Variants in GRID1 observed in about 807,000 individuals in gnomAD.
GRID1 encodes the protein glutamate ionotropic receptor delta type subunit 1.
Under a neutral mutation model 98.0 loss-of-function variants are expected in GRID1, and 28 were observed. The observed-to-expected ratio is 0.29, with a 90% CI of 0.21 to 0.39. The LOEUF (loss-of-function observed/expected upper bound fraction) is 0.39, where lower values mean the gene tolerates loss of function less well. Ranked by LOEUF, GRID1 falls within the 10% of genes least tolerant of loss-of-function variation. The pLI is 1.00. For missense variants in GRID1, 1,111 were observed against 1,340.5 expected (o/e 0.83, Z 2.67); for synonymous variants, 553 against 538.5 (o/e 1.03, Z -0.37).
chr10:85,992,619 G>GGC (rs1038262699), intron 4 of GRID1, among the ~76,000 whole-genome samples: 2 of 151,732 alleles, frequency 1.3e-5, no homozygotes, highest in African/African-American at 4.8e-5. Flanking sequence ...GAGAGGTGGG[G>GGC]GGGGAACAAA....
chr10:85,655,042 T>C (rs1840880179), intron 12 of GRID1, among the ~76,000 whole-genome samples: 1 of 152,206 alleles, frequency 6.6e-6, no homozygotes. Flanking sequence ...AGGTTAGTTC[T>C]GGGGCTTCTA....
intron 5 of GRID1, among the ~76,000 whole-genome samples, chr10:85,873,493 C>G (rs1252059854): frequency 5.9e-5 from 9 of 152,142 alleles, no homozygotes. Context: ...ATCTTATGTA[C>G]AAACATTACA....
chr10:86,193,921 A>G (rs1311700019), intron 3 of GRID1, among the ~76,000 whole-genome samples: 1 of 151,906 alleles, frequency 6.6e-6, no homozygotes, highest in African/African-American at 2.4e-5. Context: ...ATCGCTTCTC[A>G]CAAGAGCTGC....
rs753834053 is a variant in GRID1 at position 85,869,001 on chromosome 10, A to T, written c.951+9T>A. ...GGAGGGGACTGGAGAGAAGAGGCTGAGCACTGACCTGCAGCATCTGGAGGT... is the reference window on the plus strand; with the variant it reads ...GGAGGGGACTGGAGAGAAGAGGCTGTGCACTGACCTGCAGCATCTGGAGGT... On this transcript the variant is annotated intron_variant, in intron 6 of 15. Coordinates refer to ENST00000327946, the MANE Select transcript of GRID1 (RefSeq NM_017551.3). 9 of 1,612,016 alleles carry T rather than the reference A, an allele frequency of 5.6e-6. No homozygotes were observed. The East Asian group carries it at 2.0e-4, about 36-fold the overall frequency.
chr10:85,835,551 G>T lies in GRID1; in HGVS notation c.1233+18945C>A, dbSNP rs1455539609. On this transcript the variant is annotated intron_variant, in intron 8 of 15. Coordinates refer to ENST00000327946, the MANE Select transcript of GRID1 (RefSeq NM_017551.3). ...TTGCTCCTCCTTTGCCTTCCATCATGATTGTGAGGCCTACCCAGTCATGTG... is the reference window on the plus strand; with the variant it reads ...TTGCTCCTCCTTTGCCTTCCATCATTATTGTGAGGCCTACCCAGTCATGTG... Among the ~76,000 whole-genome samples, 11 of 152,278 alleles carry T rather than the reference G, an allele frequency of 7.2e-5. No individual in the cohort carries two copies. In the East Asian group the frequency reaches 2.1e-3, roughly 29 times the overall value.
intron 8 of GRID1, among the ~76,000 whole-genome samples, chr10:85,745,790 C>A (rs1468704797): frequency 6.7e-6 from 1 of 149,988 alleles, no homozygotes; most frequent in African/African-American, 2.5e-5. Flanking sequence ...GGGTTAGAGA[C>A]AATGCAGAAT....
In GRID1 at chr10:85,745,845, G is replaced by A. The variant is rs934668455; in HGVS notation, c.1234-16231C>T. ...CTGAAGTATGGGAAGGAAATCAGCT[G>A]CAAAAAGAATCTACATTTTTTTCTC... On this transcript the variant is annotated intron_variant, in intron 8 of 15. Transcript: ENST00000327946. Among the ~76,000 whole-genome samples the A allele has an allele frequency of 1.3e-5, 2 of 152,098 alleles. 1 individual carries two copies. Among genetic ancestry groups the A allele is most frequent in the Admixed American group, 1.3e-4 (2 of 15,266 alleles).
At chr10:85,956,903 A>G (rs962174532) in intron 4 of GRID1, among the ~76,000 whole-genome samples, 1 of 152,204 alleles carries the variant, frequency 6.6e-6, no homozygotes, top group African/African-American at 2.4e-5. Flanking sequence ...CTATGAAGAC[A>G]GGGTAATTTA....
intron 14 of GRID1, 45 bp downstream of exon 14, chr10:85,619,822 C>G (rs772413590): frequency 6.7e-7 from 1 of 1,501,440 alleles, no homozygotes; most frequent in Non-Finnish European, 9.3e-7. Context: ...CCCTTGACCA[C>G]TAGAGTCCTG....
Position 86,353,054 on chromosome 10 carries a change from GC to G in GRID1, c.235+10886del, listed in dbSNP as rs1276654966. 2.6e-5 allele frequency among the ~76,000 whole-genome samples: 4 copies of G among 152,344 alleles called. No homozygotes were observed. The South Asian group carries it at 8.3e-4, about 32-fold the overall frequency. On this transcript the variant is annotated intron_variant, in intron 2 of 15. Transcript: ENST00000327946. ...CCTACACATCTGAGGCCAGGAACGT[GC>G]CCCAGGAGGGAAAGGAAAATGTGTT...
chr10:86,218,228 G>A (rs1589414796), intron 2 of GRID1, among the ~76,000 whole-genome samples: 1 of 152,168 alleles, frequency 6.6e-6, no homozygotes, highest in East Asian at 1.9e-4. Context: ...AGGTGTATGG[G>A]TGGAAATTAC....
chr10:86,328,850 G>A (rs1242348429), intron 2 of GRID1, among the ~76,000 whole-genome samples: 1 of 151,860 alleles, frequency 6.6e-6, no homozygotes, highest in Non-Finnish European at 1.5e-5. Flanking sequence ...CTCTGCATGA[G>A]GCCCTTTAGC....
intron 4 of GRID1, among the ~76,000 whole-genome samples, chr10:85,970,365 G>A (rs1842391963): frequency 6.6e-6 from 1 of 151,978 alleles, no homozygotes; most frequent in African/African-American, 2.4e-5. Flanking sequence ...GACACCACAA[G>A]AAAAGAGGAC....
At chr10:85,957,687 C>A (rs951580337) in intron 4 of GRID1, among the ~76,000 whole-genome samples, 1 of 152,206 alleles carries the variant, frequency 6.6e-6, no homozygotes, top group Non-Finnish European at 1.5e-5. Flanking sequence ...GAATCCCAGA[C>A]AGGATTGGTA....
At chr10:86,235,365 T>C (rs1414658831) in intron 2 of GRID1, among the ~76,000 whole-genome samples, 1 of 152,270 alleles carries the variant, frequency 6.6e-6, no homozygotes, top group East Asian at 1.9e-4. Flanking sequence ...TTTCTAGTTA[T>C]GGTCTTCAGC....
intron 12 of GRID1, among the ~76,000 whole-genome samples, chr10:85,668,715 G>A (rs1841051366): frequency 6.6e-6 from 1 of 152,138 alleles, no homozygotes; most frequent in African/African-American, 2.4e-5. Flanking sequence ...AATGCCTGAG[G>A]GACTGCTAGA....
In GRID1 at chr10:85,601,606, C is replaced by T. The variant is rs543016680; in HGVS notation, c.*667G>A. On this transcript the variant is annotated 3_prime_UTR_variant, in exon 16 of 16. Coordinates refer to ENST00000327946, the MANE Select transcript of GRID1 (RefSeq NM_017551.3). ...TGGGTAATTGTCAGCTTCTCTCGGG[C>T]CCATGGGGCAGAGGCACACTGCAAC... is the stretch of plus-strand genomic sequence containing the variant. The T allele has an allele frequency of 3.3e-5, 5 of 152,380 alleles. No individual in the cohort carries two copies. The highest frequency in any genetic ancestry group is 1.2e-4 in the African/African-American group (5 of 41,546). The allele number at this position is 152,380 out of a possible 1,614,324, so 9.4% of individuals were successfully genotyped here. A position where few individuals can be genotyped will look rare whatever the true frequency, so the allele number is the denominator to read the frequency against.
intron 4 of GRID1, among the ~76,000 whole-genome samples, chr10:86,124,242 G>T (rs1844718987): frequency 6.6e-6 from 1 of 152,110 alleles, no homozygotes; most frequent in African/African-American, 2.4e-5. Context: ...CTATTCAACT[G>T]AAACCAAACC....
chr10:86,008,373 CA>C (rs573944306), intron 4 of GRID1, among the ~76,000 whole-genome samples: 5 of 148,040 alleles, frequency 3.4e-5, no homozygotes, highest in African/African-American at 7.5e-5. Context: ...TTAAACAAAC[CA>C]AAAAAAAACT....
Sources: gnomAD v4.1 joint callset for allele counts (sites outside exome capture counted in the v4.1 genomes callset) on GRCh38, gnomAD v4.1.1 for gene constraint, MANE v1.5 for transcripts, NCBI Gene and HGNC (gene_info 2026-07-23, HGNC 2026-07-21) for gene names.